Variants in LRMDA observed in about 807,000 individuals in gnomAD.
The protein encoded by LRMDA is leucine rich melanocyte differentiation associated.
In LRMDA, 18 loss-of-function variants were observed where a neutral mutation model predicts 29.8. The ratio of observed to expected loss-of-function variants is 0.60; its 90% CI spans 0.42 to 0.90. The LOEUF is 0.90. Ranked by LOEUF, LRMDA falls within the 40% of genes least tolerant of loss-of-function variation. The pLI is 0.00. For synonymous variants in LRMDA, 125 were observed against 109.4 expected (o/e 1.14, Z -0.89); for missense variants, 273 against 273.9 (o/e 1.00, Z 0.02).
At chr10:75,776,756 C>A (rs917886168) in intron 2 of LRMDA, among the ~76,000 whole-genome samples, 8 of 152,202 alleles carry the variant, frequency 5.3e-5, no homozygotes, top group Middle Eastern at 3.2e-3. Flanking sequence ...TAAACCTTTC[C>A]ACAGAAATGT....
At chr10:75,548,392 C>T (rs899988308) in intron 2 of LRMDA, among the ~76,000 whole-genome samples, 7 of 152,128 alleles carry the variant, frequency 4.6e-5, no homozygotes, top group African/African-American at 1.7e-4. Context: ...CCTGAATTTG[C>T]CCAAGGGAGA....
chr10:76,055,950 G>A (rs1443510598), intron 4 of LRMDA, among the ~76,000 whole-genome samples: 1 of 152,244 alleles, frequency 6.6e-6, no homozygotes. Flanking sequence ...CGAGTGGGGG[G>A]ACATGTTTCA....
intron 6 of LRMDA, among the ~76,000 whole-genome samples, chr10:76,496,082 A>G (rs553960685): frequency 2.7e-5 from 2 of 74,870 alleles, no homozygotes; most frequent in East Asian, 5.1e-4. Context: ...TTTTGCCCCC[A>G]CTATATAGAG....
intron 6 of LRMDA, among the ~76,000 whole-genome samples, chr10:76,420,078 G>A (rs932706799): frequency 6.6e-6 from 1 of 151,908 alleles, no homozygotes; most frequent in Admixed American, 6.6e-5. Context: ...CCTCATAAAA[G>A]AAGTTGAGGA....
intron 5 of LRMDA, among the ~76,000 whole-genome samples, chr10:76,220,971 G>A (rs946835892): frequency 1.2e-4 from 19 of 152,024 alleles, no homozygotes; most frequent in East Asian, 7.7e-4. Flanking sequence ...TTCAATATAT[G>A]CAAATCAATA....
At chr10:75,680,539 A>G (rs1842011093) in intron 2 of LRMDA, among the ~76,000 whole-genome samples, 2 of 152,228 alleles carry the variant, frequency 1.3e-5, no homozygotes, top group African/African-American at 4.8e-5. Flanking sequence ...GCACATCTCA[A>G]ACCTTCTTAC....
At chr10:76,132,155 T>A (rs1850005002) in intron 5 of LRMDA, among the ~76,000 whole-genome samples, 1 of 151,730 alleles carries the variant, frequency 6.6e-6, no homozygotes, top group South Asian at 2.1e-4. Flanking sequence ...GGTAGGGAGG[T>A]CTTTTGGTCA....
At chr10:76,007,172 G>A (rs975049360) in intron 2 of LRMDA, among the ~76,000 whole-genome samples, 4 of 152,042 alleles carry the variant, frequency 2.6e-5, no homozygotes, top group African/African-American at 9.7e-5. Context: ...TGCTCAAATT[G>A]AGCCATTTTG....
intron 2 of LRMDA, among the ~76,000 whole-genome samples, chr10:75,922,467 T>C (rs982974431): frequency 6.6e-6 from 1 of 152,200 alleles, no homozygotes; most frequent in Non-Finnish European, 1.5e-5. Flanking sequence ...TCTACTTGCT[T>C]GGTTCTTATT....
chr10:76,071,904 G>A (rs1848881715), intron 5 of LRMDA, among the ~76,000 whole-genome samples: 1 of 152,134 alleles, frequency 6.6e-6, no homozygotes, highest in South Asian at 2.1e-4. Flanking sequence ...GTACTTTGGA[G>A]GCCCATATGT....
intron 6 of LRMDA, among the ~76,000 whole-genome samples, chr10:76,487,903 G>T (rs1168014681): frequency 1.3e-5 from 2 of 151,782 alleles, no homozygotes; most frequent in East Asian, 3.9e-4. Flanking sequence ...GACCTCTCTA[G>T]CCATCAGTTT....
At chr10:76,428,811 A>G (rs1315196725) in intron 6 of LRMDA, among the ~76,000 whole-genome samples, 1 of 152,198 alleles carries the variant, frequency 6.6e-6, no homozygotes, top group African/African-American at 2.4e-5. Context: ...GCTAAATCCC[A>G]GCAACTTAAG....
intron 2 of LRMDA, among the ~76,000 whole-genome samples, chr10:75,946,578 T>C (rs1253297474): frequency 6.6e-6 from 1 of 152,182 alleles, no homozygotes; most frequent in Non-Finnish European, 1.5e-5. Flanking sequence ...TAGAGGAGTA[T>C]GGTGGGGAAA....
rs141681658 is a variant in LRMDA at position 76,487,836 on chromosome 10, C to A, written c.602-69373C>A. Among the ~76,000 whole-genome samples, 1,267 of 151,966 alleles carry A rather than the reference C, an allele frequency of 8.3e-3. 23 individuals are homozygous for A. The highest frequency in any genetic ancestry group is 0.029 in the African/African-American group (1,213 of 41,524). On this transcript the variant is annotated intron_variant, in intron 6 of 6. Coordinates refer to ENST00000611255, the MANE Select transcript of LRMDA (RefSeq NM_001305581.2). ...GAGCTGAGATTTAAAACCCTGTGTT[C>A]TAGACTCTATGCTTTTAATGTCTAT...
intron 5 of LRMDA, among the ~76,000 whole-genome samples, chr10:76,224,244 T>C (rs1478864255): frequency 6.6e-6 from 1 of 151,620 alleles, no homozygotes; most frequent in Non-Finnish European, 1.5e-5. Flanking sequence ...CTAAGAGCAC[T>C]TGAGGAACTG....
At chr10:75,897,724 A>C (rs1158546824) in intron 2 of LRMDA, among the ~76,000 whole-genome samples, 1 of 152,152 alleles carries the variant, frequency 6.6e-6, no homozygotes, top group East Asian at 1.9e-4. Flanking sequence ...ATCTATCCTC[A>C]AATACTCATA....
intron 2 of LRMDA, among the ~76,000 whole-genome samples, chr10:75,512,526 G>C (rs917110225): frequency 6.6e-6 from 1 of 152,134 alleles, no homozygotes; most frequent in Non-Finnish European, 1.5e-5. Flanking sequence ...ATGTTGGACC[G>C]GGCTGGTTTG....
At chr10:76,369,218 T>A (rs1352918754) in intron 6 of LRMDA, among the ~76,000 whole-genome samples, 1 of 152,174 alleles carries the variant, frequency 6.6e-6, no homozygotes, top group African/African-American at 2.4e-5. Flanking sequence ...TCCTGTGTGA[T>A]TTATGCTTTA....
At chr10:76,262,271 A>G (rs952012162) in intron 5 of LRMDA, among the ~76,000 whole-genome samples, 3 of 152,180 alleles carry the variant, frequency 2.0e-5, no homozygotes, top group African/African-American at 7.2e-5. Context: ...ACCTAAAATC[A>G]GGAATCACCG....
Sources: gnomAD v4.1 joint callset for allele counts (sites outside exome capture counted in the v4.1 genomes callset) on GRCh38, gnomAD v4.1.1 for gene constraint, MANE v1.5 for transcripts, NCBI Gene and HGNC (gene_info 2026-07-23, HGNC 2026-07-21) for gene names.